The following PRC1 variants were observed in gnomAD, a reference collection of about 807,000 sequenced individuals.
PRC1 encodes protein regulator of cytokinesis 1.
Under a neutral mutation model 91.2 loss-of-function variants are expected in PRC1, and 54 were observed. That is an observed-to-expected ratio of 0.59 (90% CI 0.48 to 0.74). The LOEUF (loss-of-function observed/expected upper bound fraction) is 0.74, where lower values mean the gene tolerates loss of function less well. PRC1 is among the 30% of genes least tolerant of loss of function. PRC1 has a pLI of 0.00. For synonymous variants in PRC1, 275 were observed against 263.6 expected (o/e 1.04, Z -0.42); for missense variants, 727 against 746.2 (o/e 0.97, Z 0.30).
intron 5 of PRC1, chr15:90,981,282 T>C (rs2039174655): frequency 1.4e-6 from 1 of 693,088 alleles, no homozygotes; most frequent in African/African-American, 1.8e-5. Flanking sequence ...ATGACTAATA[T>C]TATTTCATCT....
intron 1 of PRC1, among the ~76,000 whole-genome samples, chr15:90,990,526 G>A (rs1250899969): frequency 2.0e-5 from 3 of 151,458 alleles, no homozygotes; most frequent in South Asian, 4.2e-4. Context: ...TTGCCTAGCC[G>A]AAAAGTAGAT....
chr15:90,973,387 C>T (rs1460363941), intron 11 of PRC1, among the ~76,000 whole-genome samples: 2 of 152,256 alleles, frequency 1.3e-5, no homozygotes, highest in Admixed American at 1.3e-4. Context: ...GGGCACGATG[C>T]ACTGCGGAAA....
At chr15:90,994,144 C>T (rs933227260) in intron 1 of PRC1, among the ~76,000 whole-genome samples, 2 of 152,012 alleles carry the variant, frequency 1.3e-5, no homozygotes, top group Non-Finnish European at 2.9e-5. Flanking sequence ...CGGGCACCGG[C>T]GCTCGGCTCC....
chr15:90,974,591 C>T lies in PRC1; in HGVS notation c.1344G>A (p.Gln448=), dbSNP rs2038505245. 1.2e-6 allele frequency: 2 copies of T among 1,614,060 alleles called. No homozygotes were observed. The highest frequency in any genetic ancestry group is 1.7e-5 in the Admixed American group (1 of 59,996). The change falls in exon 10 of 15, where the codon CAG becomes CAA. Residue 448 remains glutamine (Q), a synonymous_variant. Transcript: ENST00000394249. This position sits in a 1 kb window ranked among gnomAD's most constrained non-coding sequence, Gnocchi z 4.6. ...CGTTCACGTTCACACTTACTCTTTC[C>T]TGCTTGGCTCTCTCTTTCTCCAATC... ...MHRLEKERAK[Q]ERQLKNKKQT...
intron 12 of PRC1, among the ~76,000 whole-genome samples, chr15:90,969,835 C>T (rs190881515): frequency 6.9e-6 from 1 of 144,768 alleles, no homozygotes; most frequent in Non-Finnish European, 1.5e-5. Context: ...ATAATCCCAA[C>T]ACTTTGGGAG....
rs2151418696 is a variant in PRC1, at chr15:90,969,080, T to A, written c.1790A>T (p.Gln597Leu). 6.2e-7 allele frequency: 1 copy of A among 1,614,030 alleles called. No individual in the cohort carries two copies. The highest frequency in any genetic ancestry group is 8.5e-7 in the Non-Finnish European group (1 of 1,179,934). The change falls in exon 14 of 15, where the codon CAG becomes CTG. Residue 597 changes from glutamine (Q) to leucine (L), a missense_variant and splice_region_variant. By Grantham distance (113) the Gln-to-Leu change is moderately radical (BLOSUM62 -2). Coordinates refer to ENST00000394249, the MANE Select transcript of PRC1 (RefSeq NM_003981.4). ...SLSDSSTVGL[Q>L]RELSKASKSD... ...ACATGCAGGGATTGCCATACAGACC[T>A]GAAGCCCAACAGTGGAACTGTCAGA... is the stretch of plus-strand genomic sequence containing the variant.
At chr15:90,973,342 A>C (rs1043704442) in intron 11 of PRC1, among the ~76,000 whole-genome samples, 6 of 152,234 alleles carry the variant, frequency 3.9e-5, no homozygotes, top group Admixed American at 3.3e-4. Context: ...ATGCTCGGTA[A>C]AAGTCATCTG....
rs1049620517 is a variant in PRC1, at chr15:90,967,180, T to G, written c.1814A>C (p.Lys605Thr). Residue 605 changes from lysine (K) to threonine (T), a missense_variant, in exon 15 of 15, where the codon AAA (lysine) becomes ACA (threonine). Lys to Thr is a moderately conservative substitution (Grantham distance 78). Coordinates refer to ENST00000394249, the MANE Select transcript of PRC1 (RefSeq NM_003981.4). Reference sequence around the variant, plus strand: ...GAGGATTCCAGAAGTAGCATCAGATTTGGAAGCCTTTGAAAGTTCTCGCTG... The same window carrying G: ...GAGGATTCCAGAAGTAGCATCAGATGTGGAAGCCTTTGAAAGTTCTCGCTG... ...GLQRELSKAS[K>T]SDATSGILNS... is the part of the protein sequence containing the mutation. The G allele has an allele frequency of 1.9e-6, 3 of 1,613,976 alleles. No individual in the cohort carries two copies. Among genetic ancestry groups the G allele is most frequent in the Non-Finnish European group, 2.5e-6 (3 of 1,179,920 alleles).
intron 8 of PRC1, among the ~76,000 whole-genome samples, chr15:90,977,719 G>A (rs1386938283): frequency 6.6e-6 from 1 of 151,796 alleles, no homozygotes; most frequent in Non-Finnish European, 1.5e-5. Context: ...GAGTAGCTGG[G>A]ACTACAAGTG....
rs1024438216 is a variant in PRC1, at chr15:90,992,802, T to C, written c.11+1605A>G. Among the ~76,000 whole-genome samples, 4 of 152,012 alleles carry C rather than the reference T, an allele frequency of 2.6e-5. No individual in the cohort carries two copies. In the East Asian group the frequency reaches 7.7e-4, roughly 29 times the overall value. ...TTGTAAAATGAGTCAGTTTTTCCAGTCTTGAACATAAATCACTGGACTGGA... is the reference window on the plus strand; with the variant it reads ...TTGTAAAATGAGTCAGTTTTTCCAGCCTTGAACATAAATCACTGGACTGGA... On this transcript the variant is annotated intron_variant, in intron 1 of 14. Transcript: ENST00000394249.
intron 9 of PRC1, among the ~76,000 whole-genome samples, chr15:90,976,352 C>T (rs1300278520): frequency 1.3e-5 from 2 of 151,356 alleles, no homozygotes; most frequent in Admixed American, 6.6e-5. Flanking sequence ...TGATCAAGAC[C>T]AGGCTGGTCT....
chr15:90,976,403 ACTC>A (rs1370361301), intron 9 of PRC1, among the ~76,000 whole-genome samples: 5 of 149,966 alleles, frequency 3.3e-5, no homozygotes, highest in Admixed American at 3.3e-4. Flanking sequence ...CTGGTCTTGA[ACTC>A]CTGACCTCGC....
Position 90,967,142 on chromosome 15 carries a change from TGTTG to T in PRC1, c.1848_1851del (p.Asn617SerfsTer7), listed in dbSNP as rs1567175696. 6.2e-7 allele frequency: 1 copy of T among 1,613,626 alleles called. No homozygotes were observed. The highest frequency in any genetic ancestry group is 8.5e-7 in the Non-Finnish European group (1 of 1,179,678). ...CTGATCAGGGCTTCTCAGGACTGGA[TGTTG>T]GTTGAATTGAGGATTCCAGAAGTAG... On this transcript the variant is annotated frameshift_variant, in exon 15 of 15. Coordinates refer to ENST00000394249, the MANE Select transcript of PRC1 (RefSeq NM_003981.4). LOFTEE classifies it high-confidence loss of function.
At chr15:90,968,199 A>C in intron 14 of PRC1, 2 of 985,474 alleles carry the variant, frequency 2.0e-6, no homozygotes, top group Non-Finnish European at 2.4e-6. Flanking sequence ...AACAAGCGAA[A>C]AAGAGAAAGC....
At chr15:90,992,302 T>C (rs2040024131) in intron 1 of PRC1, among the ~76,000 whole-genome samples, 1 of 152,220 alleles carries the variant, frequency 6.6e-6, no homozygotes, top group Admixed American at 6.5e-5. Flanking sequence ...TATTAGAATA[T>C]AAACTCTGTG....
At chr15:90,980,205 C>T (rs1359139366) in intron 7 of PRC1, 37 bp downstream of exon 7, 1 of 1,554,400 alleles carries the variant, frequency 6.4e-7, no homozygotes, top group African/African-American at 1.4e-5. Flanking sequence ...GACCTGTCTC[C>T]AAACAAACAA....
Position 90,974,815 on chromosome 15 carries a change from C to T in PRC1, c.1204-84G>A, listed in dbSNP as rs1354239843. On this transcript the variant is annotated intron_variant, in intron 9 of 14. Coordinates refer to ENST00000394249, the MANE Select transcript of PRC1 (RefSeq NM_003981.4). The surrounding 1 kb of genome is among the most constrained non-coding windows in gnomAD (Gnocchi z 4.6). ...GAAATGATTTCCCTAGAGAGTGACT[C>T]CTCCTCCCCAGAGCATCATTAGCCT... 3 of 1,500,466 alleles carry T rather than the reference C, an allele frequency of 2.0e-6. No homozygotes were observed. The highest frequency in any genetic ancestry group is 1.7e-5 in the Admixed American group (1 of 58,922). The allele number at this position is 1,500,466 out of a possible 1,614,324, so 92.9% of individuals were successfully genotyped here.
chr15:90,984,995 T>TAC lies in PRC1; in HGVS notation c.12-172_12-171dup, dbSNP rs1039678581. Among the ~76,000 whole-genome samples, 3 of 152,180 alleles carry TAC rather than the reference T, an allele frequency of 2.0e-5. No homozygotes were observed. The highest frequency in any genetic ancestry group is 4.4e-5 in the Non-Finnish European group (3 of 68,040). On this transcript the variant is annotated intron_variant, in intron 1 of 14. Transcript: ENST00000394249. This position sits in a 1 kb window ranked among gnomAD's most constrained non-coding sequence, Gnocchi z 5.1. ...TTTAACCACTCCCCATCCCTTTTCCTACCAAATGCCACTAGCAATACAAGA... is the reference window on the plus strand; with the variant it reads ...TTTAACCACTCCCCATCCCTTTTCCTACACCAAATGCCACTAGCAATACAAGA...
chr15:90,978,667 C>T (rs1286064753), intron 8 of PRC1, among the ~76,000 whole-genome samples: 4 of 148,592 alleles, frequency 2.7e-5, no homozygotes, highest in Non-Finnish European at 4.4e-5. Flanking sequence ...GTAGGAGAAT[C>T]ACTTCAACCT....
Sources: gnomAD v4.1 joint callset for allele counts (sites outside exome capture counted in the v4.1 genomes callset) on GRCh38, gnomAD v4.1.1 for gene constraint, Gnocchi (gnomAD v3.1) non-coding constraint, MANE v1.5 for transcripts, NCBI Gene and HGNC (gene_info 2026-07-23, HGNC 2026-07-21) for gene names.